The following VPS33A variants were observed in gnomAD, a reference collection of about 807,000 sequenced individuals.
VPS33A encodes vacuolar protein sorting-associated protein 33A.
Under a neutral mutation model 71.8 loss-of-function variants are expected in VPS33A, and 32 were observed. The observed-to-expected ratio is 0.45, with a 90% confidence interval of 0.34 to 0.60. The LOEUF is 0.60. VPS33A is among the 20% of genes least tolerant of loss of function. The pLI is 0.02. For missense variants in VPS33A, 625 were observed against 748.5 expected, an observed-to-expected ratio of 0.84 and a Z score of 1.92; for synonymous variants, 311 against 292.7, an observed-to-expected ratio of 1.06 and a Z score of -0.64.
Position 122,242,473 on chromosome 12 carries a change from C to T in VPS33A, c.1005G>A (p.Lys335=). 2.5e-6 allele frequency: 4 copies of T among 1,614,114 alleles called. No homozygotes were observed. Among genetic ancestry groups the T allele is most frequent in the Non-Finnish European group, 3.4e-6 (4 of 1,179,984 alleles). ...RHNAKTVGEI[K]QFVSQLPHMQ... ...TGTGGGGCAACTGGGAAACAAACTG[C>T]TTGATCTCCCCCACGGTCTTAGCAT... Residue 335 remains lysine, a synonymous_variant, in exon 8 of 13, where the codon AAG becomes AAA. Transcript: ENST00000267199.
At position 122,266,440 on chromosome 12, in the gene VPS33A, AACCGAGTCCG is replaced by A; in HGVS notation, c.-42_-33del. On this transcript the variant is annotated 5_prime_UTR_variant, in exon 1 of 13. Coordinates refer to ENST00000267199, the MANE Select transcript of VPS33A (RefSeq NM_022916.6). ...CCACCACCCCCTGCCCCACAACGCC[AACCGAGTCCG>A]CCGGTTCCTACGGGAGGACCACGGA... 2 of 1,593,480 alleles carry A rather than the reference AACCGAGTCCG, an allele frequency of 1.3e-6. No individual in the cohort carries two copies. The highest frequency in any genetic ancestry group is 1.7e-6 in the Non-Finnish European group (2 of 1,165,074).
chr12:122,251,434 G>A (rs1954842465), intron 4 of VPS33A, among the ~76,000 whole-genome samples: 1 of 152,154 alleles, frequency 6.6e-6, no homozygotes, highest in Non-Finnish European at 1.5e-5. Flanking sequence ...CTGAACGATG[G>A]GTTCCCATTC....
intron 4 of VPS33A, among the ~76,000 whole-genome samples, chr12:122,260,911 G>T (rs981659341): frequency 1.3e-5 from 2 of 152,178 alleles, no homozygotes; most frequent in Non-Finnish European, 2.9e-5. Flanking sequence ...AGAGGCGGAG[G>T]CTGCAGTGAG....
At chr12:122,235,225 C>T (rs1056940894) in intron 11 of VPS33A, among the ~76,000 whole-genome samples, 1 of 150,600 alleles carries the variant, frequency 6.6e-6, no homozygotes, top group Admixed American at 6.6e-5. Context: ...TCCCAATATA[C>T]TGGGATTACA....
At chr12:122,241,925 C>T (rs1290814437) in intron 8 of VPS33A, among the ~76,000 whole-genome samples, 1 of 143,052 alleles carries the variant, frequency 7.0e-6, no homozygotes, top group African/African-American at 2.6e-5. Flanking sequence ...TTTTGTTTTT[C>T]GAGATGGAGT....
intron 10 of VPS33A, among the ~76,000 whole-genome samples, chr12:122,237,013 G>C (rs1449989795): frequency 6.6e-6 from 1 of 152,096 alleles, no homozygotes; most frequent in Non-Finnish European, 1.5e-5. Flanking sequence ...GTGTACTTCT[G>C]CATTATTTGA....
Position 122,235,923 on chromosome 12 carries a change from T to C in VPS33A, c.1303A>G (p.Thr435Ala). 1.3e-6 allele frequency: 2 copies of C among 1,597,674 alleles called. No individual in the cohort carries two copies. The highest frequency in any genetic ancestry group is 8.5e-7 in the Non-Finnish European group (1 of 1,173,310). ...LDYYKREILQTYGYEHILTLH... is the reference protein window; with the variant it reads ...LDYYKREILQAYGYEHILTLH... Reference sequence around the variant, plus strand: ...GTCAATATGTGCTCATAGCCGTATGTCTGCAAGGGAAGTCATTTGGCCTTG... The same window carrying C: ...GTCAATATGTGCTCATAGCCGTATGCCTGCAAGGGAAGTCATTTGGCCTTG... The change falls in exon 11 of 13, where the codon ACA becomes GCA. Residue 435 changes from threonine (T) to alanine (A), a missense_variant and splice_region_variant. Physicochemically the swap from Thr to Ala is moderately conservative, Grantham distance 58 (BLOSUM62 0). Coordinates refer to ENST00000267199, the MANE Select transcript of VPS33A (RefSeq NM_022916.6).
chr12:122,254,701 C>T (rs73421747), intron 4 of VPS33A, among the ~76,000 whole-genome samples: 3,937 of 152,182 alleles, frequency 0.026, 125 homozygotes, highest in African/African-American at 0.067. Context: ...CCACCATGTC[C>T]GGCCAAAACA....
chr12:122,261,310 A>G lies in VPS33A; in HGVS notation c.434T>C (p.Ile145Thr), dbSNP rs760766413. Residue 145 changes from isoleucine to threonine, a missense_variant, in exon 4 of 13, where the codon ATT becomes ACT. Ile to Thr is a moderately conservative substitution (Grantham distance 89). Coordinates refer to ENST00000267199, the MANE Select transcript of VPS33A (RefSeq NM_022916.6). The part of the protein sequence containing the change: ...IHREEYSLDL[I>T]PFDGDLLSME... Reference sequence around the variant, plus strand: ...GGATAAGAGATCCCCATCGAATGGAATGAGATCTAAGCTGTACTCCTCCCT... The same window carrying G: ...GGATAAGAGATCCCCATCGAATGGAGTGAGATCTAAGCTGTACTCCTCCCT... The G allele has an allele frequency of 6.2e-7, 1 of 1,612,978 alleles. No individual in the cohort carries two copies. The highest frequency in any genetic ancestry group is 1.1e-5 in the South Asian group (1 of 90,898).
intron 11 of VPS33A, among the ~76,000 whole-genome samples, chr12:122,234,898 G>C (rs1053299894): frequency 5.3e-5 from 8 of 152,128 alleles, no homozygotes; most frequent in Non-Finnish European, 7.4e-5. Flanking sequence ...CAGGTTCTAA[G>C]ACAAGTTTCT....
Position 122,262,603 on chromosome 12 carries a change from CTTT to C in VPS33A, c.296+966_296+968del, listed in dbSNP as rs5801474. ...GGATGCTATATTAAAATTTAATCAG[CTTT>C]TTTTTTTTTTTTGCTTATGAAATTC... On this transcript the variant is annotated intron_variant, in intron 3 of 12. Transcript: ENST00000267199. Among the ~76,000 whole-genome samples the C allele has an allele frequency of 1.5e-3, 211 of 138,532 alleles. 7 individuals carry two copies. The highest frequency in any genetic ancestry group is 3.8e-4 in the Non-Finnish European group (24 of 63,858). The allele number at this position is 138,532 out of a possible 152,430, so 90.9% of individuals were successfully genotyped here.
rs111912701 is a variant in VPS33A, at chr12:122,246,426, A to G, written c.776-1664T>C. Among the ~76,000 whole-genome samples the G allele has an allele frequency of 2.0e-3, 306 of 151,690 alleles. 4 individuals carry two copies. In the East Asian group the frequency reaches 0.043, roughly 21 times the overall value. Reference sequence around the variant, plus strand: ...GCGATTCTCCTGCCTCAGCCTCCTGAGTAGCTAGGATTACAGGCGCCCGCC... The same window carrying G: ...GCGATTCTCCTGCCTCAGCCTCCTGGGTAGCTAGGATTACAGGCGCCCGCC... On this transcript the variant is annotated intron_variant, in intron 6 of 12. Transcript: ENST00000267199.
intron 1 of VPS33A, chr12:122,265,615 G>C: frequency 2.7e-6 from 1 of 370,010 alleles, no homozygotes; most frequent in South Asian, 1.8e-5. Context: ...TTCTCTCAAA[G>C]GCTGCTAGCA....
At chr12:122,233,782 A>C (rs1279914648) in intron 11 of VPS33A, among the ~76,000 whole-genome samples, 3 of 152,200 alleles carry the variant, frequency 2.0e-5, no homozygotes, top group Non-Finnish European at 2.9e-5. Flanking sequence ...ACTATGTAGC[A>C]ATTTAGAAAA....
At chr12:122,262,577 T>G (rs1955010475) in intron 3 of VPS33A, among the ~76,000 whole-genome samples, 1 of 149,622 alleles carries the variant, frequency 6.7e-6, no homozygotes, top group Non-Finnish European at 1.5e-5. Flanking sequence ...CTCTATAGAC[T>G]GGATGCTATA....
At chr12:122,239,501 C>T (rs551707478) in intron 9 of VPS33A, among the ~76,000 whole-genome samples, 26 of 152,198 alleles carry the variant, frequency 1.7e-4, no homozygotes, top group Non-Finnish European at 3.7e-4. Flanking sequence ...TTTGGGAGGC[C>T]AAGGTGGGCG....
chr12:122,266,349 A>G lies in VPS33A; in HGVS notation c.60T>C (p.Arg20=), dbSNP rs1268094770. 1 of 1,613,314 alleles carries G rather than the reference A, an allele frequency of 6.2e-7. No individual in the cohort carries two copies. The highest frequency in any genetic ancestry group is 2.2e-5 in the East Asian group (1 of 44,848). The change falls in exon 1 of 13, where the codon CGT becomes CGC. Residue 20 remains arginine, a synonymous_variant. Transcript: ENST00000267199. ...VNLNVLREAV[R]RELREFLDKC... ...TGTCCAGGAACTCGCGCAGCTCGCG[A>G]CGCACCGCCTCGCGCAACACGTTTA...
rs569842086 is a variant in VPS33A at position 122,264,946 on chromosome 12, T to C, written c.103-747A>G. On this transcript the variant is annotated intron_variant, in intron 1 of 12. Coordinates refer to ENST00000267199, the MANE Select transcript of VPS33A (RefSeq NM_022916.6). ...ATCTTATTTTGGCAAAAGAGGATTT[T>C]TTTTCTTTTTTTTTTTTTTTTGAGA... 3.3e-5 allele frequency: 5 copies of C among 151,150 alleles called. No individual in the cohort carries two copies. In the South Asian group the frequency reaches 6.2e-4, roughly 19 times the overall value. 9.4% of individuals were successfully genotyped at this position (151,150 alleles called of 1,614,324 possible). A position where few individuals can be genotyped will look rare whatever the true frequency, so the allele number is the denominator to read the frequency against.
At position 122,242,428 on chromosome 12, in the gene VPS33A, C is replaced by T. The variant is rs369794051; in HGVS notation, c.1050G>A (p.Ser350=). 4.1e-5 allele frequency: 66 copies of T among 1,614,112 alleles called. No homozygotes were observed. Among genetic ancestry groups the T allele is most frequent in the African/African-American group, 2.7e-5 (2 of 75,044 alleles). ...QLPHMQAARG[S]LANHTSIAEL... ...CTGCAATTGAGGTATGGTTTGCAAG[C>T]GAGCCCCTTGCTGCCTGCATGTGGG... The change falls in exon 8 of 13, where the codon TCG becomes TCA. Residue 350 remains serine, a synonymous_variant. Coordinates refer to ENST00000267199, the MANE Select transcript of VPS33A (RefSeq NM_022916.6).
Sources: gnomAD v4.1 joint callset for allele counts (sites outside exome capture counted in the v4.1 genomes callset) on GRCh38, gnomAD v4.1.1 for gene constraint, MANE v1.5 for transcripts, NCBI Gene and HGNC (gene_info 2026-07-23, HGNC 2026-07-21) for gene names.